Variants in DNAH1 observed in about 807,000 individuals in gnomAD.
DNAH1 encodes dynein axonemal heavy chain 1, also known as axonemal beta dynein heavy chain 1.
In DNAH1, 327 loss-of-function variants were observed where a neutral mutation model predicts 484.3. The ratio of observed to expected loss-of-function variants is 0.68; its 90% confidence interval spans 0.62 to 0.74. The LOEUF (loss-of-function observed/expected upper bound fraction) is 0.74, where lower values mean the gene tolerates loss of function less well. Ranked by LOEUF, DNAH1 falls within the 30% of genes least tolerant of loss-of-function variation. The pLI is 0.00. For synonymous variants in DNAH1, 2,192 were observed against 2,191.9 expected (o/e 1.00, Z 0.00); for missense variants, 5,052 against 5,546.8 (o/e 0.91, Z 2.83).
At position 52,387,155 on chromosome 3, in the gene DNAH1, C is replaced by T. The variant is rs747918730; in HGVS notation, c.9003+302C>T. On this transcript the variant is annotated intron_variant, in intron 56 of 77. Coordinates refer to ENST00000420323, the MANE Select transcript of DNAH1 (RefSeq NM_015512.5). ...GGCTCCTGTGCCCCATAGGAAGTCA[C>T]CCATGGTCATTCCAAGTCTCCACAG... 6.6e-5 allele frequency among the ~76,000 whole-genome samples: 10 copies of T among 152,324 alleles called. No homozygotes were observed. In the East Asian group the frequency reaches 1.5e-3, roughly 23 times the overall value.
At chr3:52,382,770 G>T (rs1703912416) in intron 50 of DNAH1, among the ~76,000 whole-genome samples, 1 of 152,244 alleles carries the variant, frequency 6.6e-6, no homozygotes, top group Non-Finnish European at 1.5e-5. Flanking sequence ...TCCCCAAAGT[G>T]CTAGGGACCC....
In DNAH1 at chr3:52,368,263, G is replaced by A. The variant is rs1287774942; in HGVS notation, c.5766-478G>A. 2.0e-5 allele frequency among the ~76,000 whole-genome samples: 3 copies of A among 152,152 alleles called. No individual in the cohort carries two copies. Among genetic ancestry groups the A allele is most frequent in the African/African-American group, 7.2e-5 (3 of 41,432 alleles). On this transcript the variant is annotated intron_variant, in intron 36 of 77. Coordinates refer to ENST00000420323, the MANE Select transcript of DNAH1 (RefSeq NM_015512.5). The surrounding 1 kb of genome is among the most constrained non-coding windows in gnomAD (Gnocchi z 4.4). ...AGGACGTGCATATATGGGCACCTAG[G>A]AGAAGGTTCCGGAGCCTAAGGCTGG... is the stretch of plus-strand genomic sequence containing the variant.
intron 3 of DNAH1, 57 bp from the exon 4 acceptor site, chr3:52,326,083 C>A (rs1701326772): frequency 1.6e-5 from 22 of 1,405,242 alleles, no homozygotes; most frequent in Non-Finnish European, 2.1e-5. Context: ...GGGGTGGAGG[C>A]TGGTTTTTGG....
intron 1 of DNAH1, among the ~76,000 whole-genome samples, chr3:52,322,190 A>G (rs1442202744): frequency 1.3e-5 from 2 of 151,980 alleles, no homozygotes; most frequent in African/African-American, 4.8e-5. Context: ...CATTTCTCAC[A>G]TGCAGTGTCC....
chr3:52,386,863 C>G lies in DNAH1; in HGVS notation c.9003+10C>G, dbSNP rs1041674950. ...CTTCAAGTTTGACAAGGTAAGCATG[C>G]CAGGCACCCTGGCCAGCCAGCGAGT... On this transcript the variant is annotated intron_variant, in intron 56 of 77. Coordinates refer to ENST00000420323, the MANE Select transcript of DNAH1 (RefSeq NM_015512.5). 1 of 1,544,210 alleles carries G rather than the reference C, an allele frequency of 6.5e-7. No homozygotes were observed. The highest frequency in any genetic ancestry group is 1.4e-5 in the African/African-American group (1 of 72,702).
intron 38 of DNAH1, 40 bp from the exon 39 acceptor site, chr3:52,370,070 T>C (rs901271907): frequency 6.2e-7 from 1 of 1,613,760 alleles, no homozygotes; most frequent in Non-Finnish European, 8.5e-7. Context: ...CAGGGCACTG[T>C]GGCTGCCAGC....
chr3:52,362,878 G>A lies in DNAH1; in HGVS notation c.5095-117G>A. 1 of 1,418,652 alleles carries A rather than the reference G, an allele frequency of 7.0e-7. No homozygotes were observed. The highest frequency in any genetic ancestry group is 9.7e-7 in the Non-Finnish European group (1 of 1,027,074). The allele number at this position is 1,418,652 out of a possible 1,614,324, so 87.9% of individuals were successfully genotyped here. ...TCTCAGGGGAGTGAAAGCCTCAGCT[G>A]TGGCAGGCTTGGTGCAGCAGGGAGT... On this transcript the variant is annotated intron_variant, in intron 31 of 77. Coordinates refer to ENST00000420323, the MANE Select transcript of DNAH1 (RefSeq NM_015512.5). The surrounding 1 kb of genome is among the most constrained non-coding windows in gnomAD (Gnocchi z 5.1).
intron 3 of DNAH1, among the ~76,000 whole-genome samples, chr3:52,325,257 A>G (rs2153222976): frequency 6.6e-6 from 1 of 152,224 alleles, no homozygotes; most frequent in East Asian, 1.9e-4. Context: ...GCCACTCCCA[A>G]GGTGGGCCCT....
chr3:52,333,383 C>T (rs1701623704), intron 8 of DNAH1, among the ~76,000 whole-genome samples: 1 of 135,378 alleles, frequency 7.4e-6, no homozygotes. Context: ...TCTTTTCTTT[C>T]TTTCTTTCTT....
At position 52,392,497 on chromosome 3, in the gene DNAH1, G is replaced by A. The variant is rs1278826943; in HGVS notation, c.10086G>A (p.Val3362=). ...GLEDQLLGQV[V]AEERPDLEEA... Reference sequence around the variant, plus strand: ...AGGACCAGCTACTGGGCCAGGTAGTGGCAGAGGAGCGACCCGACCTGGAGG... The same window carrying A: ...AGGACCAGCTACTGGGCCAGGTAGTAGCAGAGGAGCGACCCGACCTGGAGG... The change falls in exon 64 of 78, where the codon GTG becomes GTA. Residue 3362 remains valine, a synonymous_variant. Transcript: ENST00000420323. 2.5e-6 allele frequency: 4 copies of A among 1,613,762 alleles called. No homozygotes were observed. In the African/African-American group the frequency reaches 4.0e-5, roughly 16 times the overall value.
rs867299408 is a variant in DNAH1 at position 52,331,261 on chromosome 3, C to T, written c.985C>T (p.Arg329Ter). ...CAAGACAGACGAGAAAGGCCTGGTG[C>T]GAGATGAGATGGGGAGGCCCATCCT... The part of the protein sequence containing the change: ...VHKTDEKGLV[R>*]DEMGRPILNA... Residue 329 changes from arginine (R) to a stop codon, truncating the protein, a stop_gained, in exon 7 of 78, where the codon CGA (arginine) becomes TGA (stop). Coordinates refer to ENST00000420323, the MANE Select transcript of DNAH1 (RefSeq NM_015512.5). LOFTEE classifies it high-confidence loss of function. 5 of 1,611,144 alleles carry T rather than the reference C, an allele frequency of 3.1e-6. No homozygotes were observed. Among genetic ancestry groups the T allele is most frequent in the East Asian group, 2.2e-5 (1 of 44,838 alleles).
intron 2 of DNAH1, among the ~76,000 whole-genome samples, 195 bp from the exon 3 acceptor site, chr3:52,323,613 G>A (rs1316159929): frequency 2.0e-5 from 3 of 152,282 alleles, no homozygotes; most frequent in East Asian, 3.9e-4. Flanking sequence ...AGGAAGTCCT[G>A]GGTAGCCACA....
chr3:52,397,127 G>A, intron 73 of DNAH1, 83 bp downstream of exon 73: 2 of 1,293,514 alleles, frequency 1.5e-6, no homozygotes, highest in Non-Finnish European at 2.1e-6. Context: ...GTGCTGGGTG[G>A]GAGGAGATGC....
In DNAH1 at chr3:52,375,813, G is replaced by A. The variant is rs541324976; in HGVS notation, c.7160-142G>A. 281 of 952,122 alleles carry A rather than the reference G, an allele frequency of 3.0e-4. 1 individual carries two copies. In the Middle Eastern group the frequency reaches 3.8e-3, roughly 13 times the overall value. The allele number at this position is 952,122 out of a possible 1,614,324, so 59.0% of individuals were successfully genotyped here. A position where few individuals can be genotyped will look rare whatever the true frequency, so the allele number is the denominator to read the frequency against. ...TCAGGAAAAGCCACAAGATAGGATGGACGGAGTGTCTCTGAGCCTTTATGG... is the reference window on the plus strand; with the variant it reads ...TCAGGAAAAGCCACAAGATAGGATGAACGGAGTGTCTCTGAGCCTTTATGG... On this transcript the variant is annotated intron_variant, in intron 45 of 77. Coordinates refer to ENST00000420323, the MANE Select transcript of DNAH1 (RefSeq NM_015512.5).
rs374678903 is a variant in DNAH1 at position 52,346,456 on chromosome 3, C to G, written c.1657-16C>G. 16 of 1,598,124 alleles carry G rather than the reference C, an allele frequency of 1.0e-5. No individual in the cohort carries two copies. Among genetic ancestry groups the G allele is most frequent in the Non-Finnish European group, 1.3e-5 (15 of 1,171,636 alleles). On this transcript the variant is annotated splice_polypyrimidine_tract_variant and intron_variant, in intron 10 of 77. Coordinates refer to ENST00000420323, the MANE Select transcript of DNAH1 (RefSeq NM_015512.5). Reference sequence around the variant, plus strand: ...TCCCCAGGGTGGCCATATGATGATGCCTGTGGCCACTCTAGGTGCAGATGT... The same window carrying G: ...TCCCCAGGGTGGCCATATGATGATGGCTGTGGCCACTCTAGGTGCAGATGT...
intron 15 of DNAH1, 98 bp from the exon 16 acceptor site, chr3:52,350,410 G>A (rs1293091875): frequency 2.2e-5 from 27 of 1,207,782 alleles, no homozygotes; most frequent in Non-Finnish European, 3.2e-5. Context: ...CTGAAAGAGA[G>A]CAGCCCCTCT....
chr3:52,341,292 A>G (rs1188216307), intron 8 of DNAH1, among the ~76,000 whole-genome samples: 1 of 152,174 alleles, frequency 6.6e-6, no homozygotes, highest in Non-Finnish European at 1.5e-5. Flanking sequence ...AGGTTGTCTT[A>G]GATTGGGTTC....
chr3:52,399,160 A>G lies in DNAH1; in HGVS notation c.12400A>G (p.Lys4134Glu), dbSNP rs778502408. 1 of 1,613,552 alleles carries G rather than the reference A, an allele frequency of 6.2e-7. No homozygotes were observed. The highest frequency in any genetic ancestry group is 8.5e-7 in the Non-Finnish European group (1 of 1,179,586). ...LTGTLQNFAR[K>E]FVISIDTISF... Reference sequence around the variant, plus strand: ...AGGCACTCTGCAGAATTTTGCCCGCAAATTTGTCATCTCCATTGACACCAT... The same window carrying G: ...AGGCACTCTGCAGAATTTTGCCCGCGAATTTGTCATCTCCATTGACACCAT... The change falls in exon 76 of 78, where the codon AAA becomes GAA. Residue 4134 changes from lysine to glutamate, a missense_variant. Lys to Glu is a moderately conservative substitution (Grantham distance 56). Around this residue, in one of 4 missense-constraint regions of DNAH1, gnomAD observed 853 missense variants for 899.0 expected, o/e 0.95. Coordinates refer to ENST00000420323, the MANE Select transcript of DNAH1 (RefSeq NM_015512.5).
Position 52,352,069 on chromosome 3 carries a change from A to G in DNAH1, c.2837A>G (p.Gln946Arg), listed in dbSNP as rs1047214090. 1.9e-6 allele frequency: 3 copies of G among 1,586,254 alleles called. No homozygotes were observed. Among genetic ancestry groups the G allele is most frequent in the Non-Finnish European group, 8.6e-7 (1 of 1,166,400 alleles). Residue 946 changes from glutamine to arginine, a missense_variant, in exon 17 of 78, where the codon CAG becomes CGG. Physicochemically the swap from Gln to Arg is conservative, Grantham distance 43 (BLOSUM62 1). Transcript: ENST00000420323. ...TTCCGCAAAATCCAGATCATGGATC[A>G]GAACAACTTCCAAGAGAAGCTGGAA... ...EKFRKIQIMD[Q>R]NNFQEKLEGL...
Sources: gnomAD v4.1 joint callset for allele counts (sites outside exome capture counted in the v4.1 genomes callset) on GRCh38, gnomAD v4.1.1 for gene constraint, gnomAD v4.1.1 regional missense constraint, Gnocchi (gnomAD v3.1) non-coding constraint, MANE v1.5 for transcripts, NCBI Gene and HGNC (gene_info 2026-07-23, HGNC 2026-07-21) for gene names.